EFCAB8: variants seen among roughly 807,000 people sequenced by gnomAD.
EFCAB8 encodes the protein EF-hand calcium binding domain 8.
Under a neutral mutation model 116.3 loss-of-function variants are expected in EFCAB8, and 100 were observed. The ratio of observed to expected loss-of-function variants is 0.86; its 90% CI spans 0.73 to 1.02. EFCAB8 has a LOEUF of 1.02. EFCAB8 is among the 50% of genes least tolerant of loss of function. The probability of loss-of-function intolerance (pLI) is 0.00; values close to 1 mark genes in which losing one functional copy is unlikely to be tolerated. For synonymous variants in EFCAB8, 558 were observed against 567.9 expected (o/e 0.98, Z 0.25); for missense variants, 1,320 against 1,416.9 (o/e 0.93, Z 1.10).
chr20:32,893,300 T>C lies in EFCAB8; in HGVS notation c.883+2T>C. ...TCCTCCCCAGGGCCTCCAAGTGGGG[T>C]AGCTAAGATGCTGGGGAAGGGGGCA... On this transcript the variant is annotated splice_donor_variant, in intron 9 of 26. Coordinates refer to ENST00000400522, the MANE Select transcript of EFCAB8 (RefSeq NM_001143967.2). LOFTEE classifies it high-confidence loss of function. 1 of 1,551,656 alleles carries C rather than the reference T, an allele frequency of 6.4e-7. No homozygotes were observed. Among genetic ancestry groups the C allele is most frequent in the Middle Eastern group, 1.7e-4 (1 of 5,988 alleles).
chr20:32,919,621 C>T (rs973265812), intron 19 of EFCAB8, among the ~76,000 whole-genome samples: 1 of 152,136 alleles, frequency 6.6e-6, no homozygotes, highest in African/African-American at 2.4e-5. Flanking sequence ...CTCAGCTTCC[C>T]TAGTAGCTGG....
At chr20:32,891,778 G>A (rs1346856709) in intron 7 of EFCAB8, among the ~76,000 whole-genome samples, 1 of 152,118 alleles carries the variant, frequency 6.6e-6, no homozygotes, top group Admixed American at 6.6e-5. Context: ...CGGTGAGGCT[G>A]TTGCTCATCA....
At chr20:32,950,373 T>G (rs563846859) in intron 23 of EFCAB8, among the ~76,000 whole-genome samples, 34 of 152,172 alleles carry the variant, frequency 2.2e-4, no homozygotes, top group Non-Finnish European at 4.0e-4. Flanking sequence ...GAGGTTTGAA[T>G]AGACACTTCA....
chr20:32,893,182 A>G lies in EFCAB8; in HGVS notation c.767A>G (p.Tyr256Cys), dbSNP rs1261148884. 7 of 1,551,892 alleles carry G rather than the reference A, an allele frequency of 4.5e-6. No individual in the cohort carries two copies. Among genetic ancestry groups the G allele is most frequent in the African/African-American group, 4.1e-5 (3 of 73,148 alleles). Residue 256 changes from tyrosine to cysteine, a missense_variant, in exon 9 of 27, where the codon TAT becomes TGT. Transcript: ENST00000400522. ...TCTCCATCTTTCTGCAGGTCTGACT[A>G]TCACAGAGGTGTGTTCTGCTATGGA... ...CALVMDYWSD[Y>C]HRGVFCYGDA...
At position 32,879,018 on chromosome 20, in the gene EFCAB8, T is replaced by C. The variant is rs549520504; in HGVS notation, c.431+211T>C. ...ACGTGATTTGTCCCCATTTTATAGATGAGGCCACTGAGGTCTGGAGAGGTC... is the reference window on the plus strand; with the variant it reads ...ACGTGATTTGTCCCCATTTTATAGACGAGGCCACTGAGGTCTGGAGAGGTC... On this transcript the variant is annotated intron_variant, in intron 5 of 26. Coordinates refer to ENST00000400522, the MANE Select transcript of EFCAB8 (RefSeq NM_001143967.2). 2.0e-5 allele frequency among the ~76,000 whole-genome samples: 3 copies of C among 152,340 alleles called. No individual in the cohort carries two copies. In the East Asian group the frequency reaches 5.8e-4, roughly 29 times the overall value.
chr20:32,915,689 T>A (rs1370424642), intron 17 of EFCAB8, among the ~76,000 whole-genome samples: 1 of 150,898 alleles, frequency 6.6e-6, no homozygotes, highest in Non-Finnish European at 1.5e-5. Flanking sequence ...TTTTTTTTTT[T>A]AAGACAGAGT....
intron 4 of EFCAB8, among the ~76,000 whole-genome samples, chr20:32,876,867 C>A (rs982523509): frequency 1.3e-5 from 2 of 152,114 alleles, no homozygotes; most frequent in Non-Finnish European, 2.9e-5. Flanking sequence ...ATTTGTGGAG[C>A]TGAGCTGGGA....
intron 5 of EFCAB8, among the ~76,000 whole-genome samples, chr20:32,881,604 C>T (rs1206043296): frequency 2.0e-5 from 3 of 152,184 alleles, no homozygotes; most frequent in Non-Finnish European, 4.4e-5. Flanking sequence ...TCCTCCTTTT[C>T]TCCATTTGTC....
At chr20:32,902,368 T>C (rs1986467955) in intron 11 of EFCAB8, among the ~76,000 whole-genome samples, 1 of 152,078 alleles carries the variant, frequency 6.6e-6, no homozygotes, top group Non-Finnish European at 1.5e-5. Flanking sequence ...GTAGAGAATA[T>C]ATTTACACAC....
In EFCAB8 at chr20:32,918,360, A is replaced by ATCTT; in HGVS notation, c.2062-2_2062-1insTCTT. On this transcript the variant is annotated splice_acceptor_variant, in intron 18 of 26. Coordinates refer to ENST00000400522, the MANE Select transcript of EFCAB8 (RefSeq NM_001143967.2). LOFTEE classifies it high-confidence loss of function. ...TTAGGGGCTGCTTTCTTCTTGGTAC[A>ATCTT]GGTGCAAGATGTGAACAACTGCCTG... 6.4e-7 allele frequency: 1 copy of ATCTT among 1,551,746 alleles called. No homozygotes were observed. Among genetic ancestry groups the ATCTT allele is most frequent in the Non-Finnish European group, 8.7e-7 (1 of 1,146,990 alleles).
chr20:32,930,446 C>T lies in EFCAB8; in HGVS notation c.2461C>T (p.Leu821=). The T allele has an allele frequency of 6.4e-7, 1 of 1,551,818 alleles. No homozygotes were observed. Residue 821 remains leucine (L), a synonymous_variant, in exon 21 of 27, where the codon CTG becomes TTG. Coordinates refer to ENST00000400522, the MANE Select transcript of EFCAB8 (RefSeq NM_001143967.2). ...RPRLPHTAAL[L]SSCMDGYIYA... ...TCGCCTGCCGCACACGGCTGCCCTGCTGAGCAGCTGCATGGACGGCTACAT... is the reference window on the plus strand; with the variant it reads ...TCGCCTGCCGCACACGGCTGCCCTGTTGAGCAGCTGCATGGACGGCTACAT...
At chr20:32,938,970 CTT>C (rs1988231571) in intron 22 of EFCAB8, among the ~76,000 whole-genome samples, 1 of 118,580 alleles carries the variant, frequency 8.4e-6, no homozygotes, top group African/African-American at 3.3e-5. Flanking sequence ...CTTTCTTTTT[CTT>C]TCTTTTCCTT....
At chr20:32,931,573 A>G (rs1388807570) in intron 22 of EFCAB8, among the ~76,000 whole-genome samples, 1 of 152,078 alleles carries the variant, frequency 6.6e-6, no homozygotes, top group African/African-American at 2.4e-5. Flanking sequence ...CCTGACCAAC[A>G]TGGTGAAACC....
intron 1 of EFCAB8, among the ~76,000 whole-genome samples, chr20:32,860,699 GCAT>G (rs922703363): frequency 6.6e-6 from 1 of 151,642 alleles, no homozygotes; most frequent in African/African-American, 2.4e-5. Context: ...ATAAAAATTG[GCAT>G]CATAGTGTGC....
chr20:32,887,882 G>A (rs1282493016), intron 6 of EFCAB8, among the ~76,000 whole-genome samples: 1 of 152,146 alleles, frequency 6.6e-6, no homozygotes, highest in Non-Finnish European at 1.5e-5. Flanking sequence ...CAAATTATCG[G>A]TTAGTAAGCC....
At position 32,911,660 on chromosome 20, in the gene EFCAB8, A is replaced by G. The variant is rs1426019644; in HGVS notation, c.1738A>G (p.Asn580Asp). ...TGGCACAATGAAGATGTGGAACTACAACATTGGCAAATGCCTGTTGACCTT... is the reference window on the plus strand; with the variant it reads ...TGGCACAATGAAGATGTGGAACTACGACATTGGCAAATGCCTGTTGACCTT... ...RDGTMKMWNY[N>D]IGKCLLTFPS... is the part of the protein sequence containing the mutation. The change falls in exon 16 of 27, where the codon AAC (asparagine) becomes GAC (aspartate). Residue 580 changes from asparagine (N) to aspartate (D), a missense_variant. Physicochemically the swap from Asn to Asp is conservative, Grantham distance 23. Transcript: ENST00000400522. 1 of 1,551,630 alleles carries G rather than the reference A, an allele frequency of 6.4e-7. No individual in the cohort carries two copies. Among genetic ancestry groups the G allele is most frequent in the African/African-American group, 1.4e-5 (1 of 73,048 alleles).
chr20:32,929,138 C>CTT (rs111348902), intron 20 of EFCAB8, among the ~76,000 whole-genome samples: 5 of 145,456 alleles, frequency 3.4e-5, no homozygotes, highest in African/African-American at 7.5e-5. Flanking sequence ...TCTCTGTAGT[C>CTT]TTTTTTTTTT....
intron 8 of EFCAB8, among the ~76,000 whole-genome samples, chr20:32,892,846 TTC>T (rs1985982325): frequency 6.7e-6 from 1 of 148,922 alleles, no homozygotes; most frequent in Non-Finnish European, 1.5e-5. Context: ...TTTTTTTTTT[TTC>T]TTTTTTTTAT....
At chr20:32,916,896 G>A (rs374491692) in intron 17 of EFCAB8, among the ~76,000 whole-genome samples, 9 of 152,168 alleles carry the variant, frequency 5.9e-5, no homozygotes, top group African/African-American at 2.2e-4. Context: ...TCTGAAGCGT[G>A]AGAAGGAAGG....
Sources: gnomAD v4.1 joint callset for allele counts (sites outside exome capture counted in the v4.1 genomes callset) on GRCh38, gnomAD v4.1.1 for gene constraint, MANE v1.5 for transcripts, NCBI Gene and HGNC (gene_info 2026-07-23, HGNC 2026-07-21) for gene names.